The following HFM1 variants were observed in gnomAD, a reference collection of about 807,000 sequenced individuals.
The protein encoded by HFM1 is probable ATP-dependent DNA helicase HFM1.
A neutral mutation model predicts 192.1 loss-of-function variants in HFM1; 169 were observed. The observed-to-expected ratio is 0.88, with a 90% CI of 0.78 to 1.00. The LOEUF is 1.00. Among genes scored for constraint, HFM1 ranks in the 50% least tolerant of loss-of-function variants. The pLI, the probability that HFM1 is intolerant of heterozygous loss-of-function variation, is 0.00. For missense variants in HFM1, 1,661 were observed against 1,668.0 expected (o/e 1.00, Z 0.07); for synonymous variants, 525 against 537.8 (o/e 0.98, Z 0.33).
chr1:91,356,425 T>C (rs937478877), intron 13 of HFM1, among the ~76,000 whole-genome samples: 1 of 151,930 alleles, frequency 6.6e-6, no homozygotes, highest in African/African-American at 2.4e-5. Flanking sequence ...GTATTTTTAG[T>C]AGAGACATGG....
intron 13 of HFM1, among the ~76,000 whole-genome samples, chr1:91,357,131 G>A (rs141598117): frequency 3.3e-5 from 5 of 152,180 alleles, no homozygotes; most frequent in Admixed American, 3.3e-4. Context: ...TTGATACCTA[G>A]GCCACATAAA....
intron 1 of HFM1, chr1:91,404,573 G>T (rs12757326): frequency 1.2e-5 from 3 of 250,264 alleles, no homozygotes; most frequent in African/African-American, 7.2e-5. Flanking sequence ...GCGCGCCGCA[G>T]GCCTCACCGC....
chr1:91,375,210 C>T (rs1660762900), intron 13 of HFM1, 148 bp downstream of exon 13: 2 of 603,394 alleles, frequency 3.3e-6, no homozygotes, highest in Non-Finnish European at 3.0e-6. Context: ...CACTATCTCA[C>T]TTAATCCTCA....
chr1:91,304,437 GTTTTC>G (rs1386958170), intron 30 of HFM1, among the ~76,000 whole-genome samples: 16 of 137,424 alleles, frequency 1.2e-4, no homozygotes, highest in Non-Finnish European at 2.0e-4. Context: ...ATACACCTAT[GTTTTC>G]TTTTAAGAGT....
chr1:91,328,365 C>G, intron 20 of HFM1: 2 of 1,557,506 alleles, frequency 1.3e-6, no homozygotes, highest in Non-Finnish European at 1.7e-6. Flanking sequence ...GCCAGTCATC[C>G]CTCCTCTGTG....
chr1:91,355,645 G>C (rs1353600633), intron 13 of HFM1, among the ~76,000 whole-genome samples: 1 of 151,928 alleles, frequency 6.6e-6, no homozygotes, highest in Admixed American at 6.6e-5. Flanking sequence ...ACGACAAAGG[G>C]GTCAATTCAT....
intron 32 of HFM1, among the ~76,000 whole-genome samples, chr1:91,275,563 G>T (rs562217222): frequency 6.6e-6 from 1 of 152,194 alleles, no homozygotes; most frequent in East Asian, 1.9e-4. Context: ...TTTTCCTTCA[G>T]AATATCTACC....
In HFM1 at chr1:91,313,348, C is replaced by A; in HGVS notation, c.3391+1G>T. ...AAATAGGAATTAATACAGCTATTTACCTTTATTAGGTCCTGCTATTGTAGA... is the reference window on the plus strand; with the variant it reads ...AAATAGGAATTAATACAGCTATTTAACTTTATTAGGTCCTGCTATTGTAGA... On this transcript the variant is annotated splice_donor_variant, in intron 30 of 38. Transcript: ENST00000370425. LOFTEE classifies it high-confidence loss of function. 1 of 1,546,196 alleles carries A rather than the reference C, an allele frequency of 6.5e-7. No individual in the cohort carries two copies. The highest frequency in any genetic ancestry group is 8.8e-7 in the Non-Finnish European group (1 of 1,130,420).
intron 13 of HFM1, among the ~76,000 whole-genome samples, chr1:91,360,191 T>A (rs527884763): frequency 2.0e-5 from 3 of 152,026 alleles, no homozygotes; most frequent in Non-Finnish European, 2.9e-5. Context: ...AATTCACACA[T>A]AACAATACCA....
chr1:91,373,148 T>TA (rs10670686), intron 13 of HFM1, among the ~76,000 whole-genome samples: 45,403 of 150,084 alleles, frequency 0.3, 7,444 homozygotes, highest in East Asian at 0.47. Flanking sequence ...TTTAGTGGAT[T>TA]AAAAAAAAAC....
chr1:91,351,541 T>TA lies in HFM1; in HGVS notation c.2072+7dup. Reference sequence around the variant, plus strand: ...TTAGTATCTTTTTGGAACTTTTTTTTATACTACCTGCTTTCTACAGTGTCT... The same window carrying TA: ...TTAGTATCTTTTTGGAACTTTTTTTTAATACTACCTGCTTTCTACAGTGTCT... On this transcript the variant is annotated splice_region_variant and intron_variant, in intron 17 of 38. Coordinates refer to ENST00000370425, the MANE Select transcript of HFM1 (RefSeq NM_001017975.6). 6.9e-7 allele frequency: 1 copy of TA among 1,454,292 alleles called. No homozygotes were observed. The highest frequency in any genetic ancestry group is 1.2e-5 in the South Asian group (1 of 80,406). The allele number at this position is 1,454,292 out of a possible 1,614,324, so 90.1% of individuals were successfully genotyped here.
Position 91,313,432 on chromosome 1 carries a change from T to C in HFM1, c.3308A>G (p.Gln1103Arg), listed in dbSNP as rs1650758589. ...FYLEPKRFGN[Q>R]ITMQRKSETQ... Reference sequence around the variant, plus strand: ...TTCAGATTTTCTTTGCATAGTGATTTGATTTCCAAACCTCTTGGGTTCTAA... The same window carrying C: ...TTCAGATTTTCTTTGCATAGTGATTCGATTTCCAAACCTCTTGGGTTCTAA... Residue 1103 changes from glutamine to arginine, a missense_variant, in exon 30 of 39, where the codon CAA becomes CGA. Gln to Arg is a conservative substitution (Grantham distance 43, BLOSUM62 1). Coordinates refer to ENST00000370425, the MANE Select transcript of HFM1 (RefSeq NM_001017975.6). 1 of 1,601,832 alleles carries C rather than the reference T, an allele frequency of 6.2e-7. No individual in the cohort carries two copies. The highest frequency in any genetic ancestry group is 1.3e-5 in the African/African-American group (1 of 74,646).
chr1:91,388,002 A>G lies in HFM1; in HGVS notation c.495-2168T>C, dbSNP rs991532509. On this transcript the variant is annotated intron_variant, in intron 4 of 38. Coordinates refer to ENST00000370425, the MANE Select transcript of HFM1 (RefSeq NM_001017975.6). ...AAATAGAACCTCCATTAAAATGCCT[A>G]AACAACAGGGTTCTGAGAGCTTCTG... Among the ~76,000 whole-genome samples the G allele has an allele frequency of 4.6e-5, 7 of 152,108 alleles. 1 individual carries two copies. Among genetic ancestry groups the G allele is most frequent in the Admixed American group, 3.9e-4 (6 of 15,276 alleles).
chr1:91,357,497 T>A (rs1657904008), intron 13 of HFM1, among the ~76,000 whole-genome samples: 1 of 151,994 alleles, frequency 6.6e-6, no homozygotes, highest in African/African-American at 2.4e-5. Context: ...ACAGCCAACA[T>A]CATAATCAAT....
At chr1:91,375,792 C>T (rs1660833183) in intron 11 of HFM1, 65 bp from the exon 12 acceptor site, 1 of 1,356,378 alleles carries the variant, frequency 7.4e-7, no homozygotes, top group African/African-American at 1.4e-5. Flanking sequence ...CTAAAAACAA[C>T]CCAATTACAA....
At chr1:91,405,791 ATTT>A (rs781736950), upstream of HFM1, among the ~76,000 whole-genome samples, 14 of 152,246 alleles carry the variant, frequency 9.2e-5, no homozygotes, top group Non-Finnish European at 1.8e-4. Flanking sequence ...TGAGCCAGTT[ATTT>A]GGATACTGAT....
chr1:91,295,154 T>C (rs1398850527), intron 30 of HFM1, among the ~76,000 whole-genome samples: 2 of 152,220 alleles, frequency 1.3e-5, no homozygotes, highest in Non-Finnish European at 2.9e-5. Flanking sequence ...TCCTGACTTT[T>C]TGGATATCCT....
chr1:91,406,463 C>G (rs984507767), upstream of HFM1, among the ~76,000 whole-genome samples: 2 of 152,242 alleles, frequency 1.3e-5, no homozygotes, highest in East Asian at 3.9e-4. Context: ...ATCTATAGAG[C>G]CTTACTTTCT....
In HFM1 at chr1:91,289,643, C is replaced by G. The variant is rs188769746; in HGVS notation, c.3392-12581G>C. ...GGGAGGCTGAGGCTGGCAGAACACT[C>G]GCAGTCAGGAGCTAGAGACCAGCCC... On this transcript the variant is annotated intron_variant, in intron 30 of 38. Coordinates refer to ENST00000370425, the MANE Select transcript of HFM1 (RefSeq NM_001017975.6). Among the ~76,000 whole-genome samples, 4 of 152,156 alleles carry G rather than the reference C, an allele frequency of 2.6e-5. No homozygotes were observed. In the East Asian group the frequency reaches 7.7e-4, roughly 29 times the overall value.
Sources: gnomAD v4.1 joint callset for allele counts (sites outside exome capture counted in the v4.1 genomes callset) on GRCh38, gnomAD v4.1.1 for gene constraint, MANE v1.5 for transcripts, NCBI Gene and HGNC (gene_info 2026-07-23, HGNC 2026-07-21) for gene names.